Variants in SH3YL1 observed in about 807,000 individuals in gnomAD.
SH3YL1 encodes SH3 domain-containing YSC84-like protein 1.
A neutral mutation model predicts 45.8 loss-of-function variants in SH3YL1; 41 were observed. That is an observed-to-expected ratio of 0.89 (90% CI 0.70 to 1.16). The LOEUF (loss-of-function observed/expected upper bound fraction) is 1.16. SH3YL1 is among the 50% of genes most tolerant of loss of function. SH3YL1 has a pLI of 0.00. For synonymous variants in SH3YL1, 152 were observed against 151.4 expected (o/e 1.00, Z -0.03); for missense variants, 389 against 409.6 (o/e 0.95, Z 0.43).
intron 3 of SH3YL1, among the ~76,000 whole-genome samples, chr2:249,274 G>A (rs1056146900): frequency 6.6e-6 from 1 of 152,188 alleles, no homozygotes; most frequent in South Asian, 2.1e-4. Flanking sequence ...ATTCTGCCTT[G>A]GGGAAAACTC....
chr2:256,924 T>C (rs534881350), intron 1 of SH3YL1, among the ~76,000 whole-genome samples: 31 of 152,300 alleles, frequency 2.0e-4, no homozygotes. Context: ...GTTATTTTAG[T>C]GGTACACAGT....
intron 3 of SH3YL1, among the ~76,000 whole-genome samples, chr2:247,842 T>C (rs542455313): frequency 3.3e-5 from 5 of 152,328 alleles, no homozygotes; most frequent in Non-Finnish European, 5.9e-5. Context: ...TGTCCTCTAA[T>C]CTTTCTCTAC....
chr2:234,646 G>A (rs529980865), intron 4 of SH3YL1, among the ~76,000 whole-genome samples: 1 of 147,700 alleles, frequency 6.8e-6, no homozygotes, highest in South Asian at 2.2e-4. Flanking sequence ...GATCCAACAT[G>A]CTCTCTGATC....
intron 4 of SH3YL1, among the ~76,000 whole-genome samples, chr2:244,202 A>AG (rs1668676968): frequency 1.4e-5 from 1 of 69,466 alleles, no homozygotes; most frequent in Admixed American, 1.3e-4. Context: ...CAAGTTTTGT[A>AG]AAAAAAAAAA....
At chr2:219,878 A>C (rs1454739532) in intron 9 of SH3YL1, among the ~76,000 whole-genome samples, 1 of 152,128 alleles carries the variant, frequency 6.6e-6, no homozygotes, top group East Asian at 1.9e-4. Context: ...ATAAGTTGGA[A>C]TTAGCACAGG....
chr2:253,335 A>C (rs1669158866), intron 1 of SH3YL1, among the ~76,000 whole-genome samples: 1 of 152,202 alleles, frequency 6.6e-6, no homozygotes, highest in Non-Finnish European at 1.5e-5. Context: ...AGGTCCGCAC[A>C]AGATACAGGT....
chr2:259,560 A>G (rs1472470373), intron 1 of SH3YL1: 2 of 152,018 alleles, frequency 1.3e-5, no homozygotes, highest in Non-Finnish European at 2.9e-5. Context: ...AGAGCTAGGA[A>G]AAAATATGTA....
At chr2:235,241 T>A (rs1369609444) in intron 4 of SH3YL1, among the ~76,000 whole-genome samples, 1 of 152,272 alleles carries the variant, frequency 6.6e-6, no homozygotes, top group Non-Finnish European at 1.5e-5. Context: ...TCAAGGCAGG[T>A]CAACACAGTG....
intron 1 of SH3YL1, among the ~76,000 whole-genome samples, chr2:253,694 T>A (rs1243636056): frequency 6.6e-6 from 1 of 152,222 alleles, no homozygotes; most frequent in Non-Finnish European, 1.5e-5. Flanking sequence ...CTACTCCACC[T>A]ATTGAGTAGC....
At position 234,269 on chromosome 2, in the gene SH3YL1, A is replaced by T; in HGVS notation, c.295T>A (p.Ser99Thr). The T allele has an allele frequency of 6.2e-7, 1 of 1,607,392 alleles. No homozygotes were observed. The highest frequency in any genetic ancestry group is 8.5e-7 in the Non-Finnish European group (1 of 1,177,572). Residue 99 changes from serine (S) to threonine (T), a missense_variant, in exon 5 of 10, where the codon TCA (serine) becomes ACA (threonine). Ser to Thr is a moderately conservative substitution (Grantham distance 58). Coordinates refer to ENST00000356150, the MANE Select transcript of SH3YL1 (RefSeq NM_015677.4). Reference protein sequence around the residue: ...GGGFEIGIEVSDLVIILNYDR... With the variant: ...GGGFEIGIEVTDLVIILNYDR... ...TAATTCAGAATTATCACCAAGTCTG[A>T]TACCTAAAGTGTAGAAACCCATGGA...
chr2:218,859 A>C lies in SH3YL1; in HGVS notation c.981T>G (p.Leu327=). Residue 327 remains leucine, a synonymous_variant, in exon 10 of 10, where the codon CTT becomes CTG. Transcript: ENST00000356150. ...CTGGAAAAATGCCAGTTTGACCTCG[A>C]AGTTTTCCTTCCCACCAATCAAAAT... The part of the protein sequence containing the change: ...DSHFDWWEGK[L]RGQTGIFPAN... 3.1e-6 allele frequency: 5 copies of C among 1,614,060 alleles called. No individual in the cohort carries two copies. Among genetic ancestry groups the C allele is most frequent in the Non-Finnish European group, 4.2e-6 (5 of 1,179,962 alleles).
At chr2:230,935 G>A (rs1159547050) in intron 7 of SH3YL1, 88 bp downstream of exon 7, 1 of 1,326,006 alleles carries the variant, frequency 7.5e-7, no homozygotes, top group Admixed American at 1.7e-5. Flanking sequence ...GGCTTAGTAG[G>A]TTCTTAGGAA....
intron 9 of SH3YL1, among the ~76,000 whole-genome samples, chr2:223,862 T>A (rs556003352): frequency 1.3e-5 from 2 of 152,268 alleles, no homozygotes; most frequent in Non-Finnish European, 2.9e-5. Context: ...AGGAGAAACA[T>A]CTGGGAAAAA....
At chr2:253,583 T>C (rs938957796) in intron 1 of SH3YL1, among the ~76,000 whole-genome samples, 1 of 152,184 alleles carries the variant, frequency 6.6e-6, no homozygotes, top group Non-Finnish European at 1.5e-5. Context: ...GTTCCGGGAA[T>C]TGCCCACCCC....
chr2:230,121 T>C lies in SH3YL1; in HGVS notation c.703-77A>G, dbSNP rs973029856. On this transcript the variant is annotated intron_variant, in intron 7 of 9. Coordinates refer to ENST00000356150, the MANE Select transcript of SH3YL1 (RefSeq NM_015677.4). ...TTAGGCACATATAACTCTTTTCTAATGAGGTTATGTAGCAAACTTTTATCA... is the reference window on the plus strand; with the variant it reads ...TTAGGCACATATAACTCTTTTCTAACGAGGTTATGTAGCAAACTTTTATCA... 4.2e-5 allele frequency: 47 copies of C among 1,126,806 alleles called. No individual in the cohort carries two copies. The South Asian group carries it at 5.8e-4, about 14-fold the overall frequency. 69.8% of individuals were successfully genotyped at this position (1,126,806 alleles called of 1,614,324 possible).
chr2:228,799 G>C (rs551932130), intron 8 of SH3YL1, among the ~76,000 whole-genome samples: 1 of 152,276 alleles, frequency 6.6e-6, no homozygotes, highest in East Asian at 1.9e-4. Context: ...GTTACATTTA[G>C]ACCAGTCAAA....
intron 2 of SH3YL1, 21 bp downstream of exon 2, chr2:252,984 G>C: frequency 7.3e-7 from 1 of 1,361,894 alleles, no homozygotes; most frequent in East Asian, 2.5e-5. Flanking sequence ...GAGACAAACA[G>C]CACTCATCCT....
intron 4 of SH3YL1, among the ~76,000 whole-genome samples, chr2:242,639 T>C (rs1374639859): frequency 6.6e-6 from 1 of 152,134 alleles, no homozygotes. Context: ...AAATGGCTGA[T>C]ATAAATCCAA....
At chr2:229,018 C>T (rs1667915319) in intron 8 of SH3YL1, among the ~76,000 whole-genome samples, 1 of 152,174 alleles carries the variant, frequency 6.6e-6, no homozygotes, top group Admixed American at 6.5e-5. Context: ...CCTCTAAAGG[C>T]AAGATCTACG....
Sources: gnomAD v4.1 joint callset for allele counts (sites outside exome capture counted in the v4.1 genomes callset) on GRCh38, gnomAD v4.1.1 for gene constraint, MANE v1.5 for transcripts, NCBI Gene and HGNC (gene_info 2026-07-23, HGNC 2026-07-21) for gene names.